ROBO1: variants seen among roughly 807,000 people sequenced by gnomAD.
The protein encoded by ROBO1 is roundabout homolog 1.
A neutral mutation model predicts 195.9 loss-of-function variants in ROBO1; 149 were observed. The observed-to-expected ratio is 0.76, with a 90% CI of 0.67 to 0.87. The LOEUF is 0.87. Ranked by LOEUF, ROBO1 falls within the 40% of genes least tolerant of loss-of-function variation. ROBO1 has a pLI of 0.00. For synonymous variants in ROBO1, 816 were observed against 733.2 expected (o/e 1.11, Z -1.82); for missense variants, 1,933 against 2,068.3 (o/e 0.93, Z 1.27).
At position 79,116,173 on chromosome 3, in the gene ROBO1, C is replaced by T. The variant is rs561667486; in HGVS notation, c.172+9283G>A. Among the ~76,000 whole-genome samples the T allele has an allele frequency of 1.7e-3, 262 of 152,228 alleles. 2 individuals are homozygous for T. The highest frequency in any genetic ancestry group is 5.8e-3 in the African/African-American group (240 of 41,542). ...AGGATCCCCTGCAGATACCAAAATC[C>T]ATAGGTGCTTAATTTCCATACATAA... is the stretch of plus-strand genomic sequence containing the variant. On this transcript the variant is annotated intron_variant, in intron 3 of 30. Transcript: ENST00000464233.
At chr3:78,779,924 C>T (rs1049968610) in intron 4 of ROBO1, among the ~76,000 whole-genome samples, 8 of 152,032 alleles carry the variant, frequency 5.3e-5, no homozygotes, top group Non-Finnish European at 1.0e-4. Flanking sequence ...ACTATGCAGC[C>T]GTAAAAAAGA....
chr3:79,697,199 T>C (rs1049645467), intron 1 of ROBO1, among the ~76,000 whole-genome samples: 2 of 151,516 alleles, frequency 1.3e-5, no homozygotes, highest in Non-Finnish European at 3.0e-5. Flanking sequence ...TTAAGAATGG[T>C]TCTAAATTAT....
chr3:79,128,677 T>A (rs77999291), intron 2 of ROBO1, among the ~76,000 whole-genome samples: 195 of 152,274 alleles, frequency 1.3e-3, no homozygotes, highest in Non-Finnish European at 1.7e-3. Context: ...CATTCAGGGT[T>A]GGAAATGGGT....
At chr3:79,757,290 G>T (rs369219328) in intron 1 of ROBO1, among the ~76,000 whole-genome samples, 4 of 152,046 alleles carry the variant, frequency 2.6e-5, no homozygotes, top group Non-Finnish European at 5.9e-5. Context: ...TACATAATCC[G>T]ATTTTGTTTG....
At chr3:79,554,162 AC>A (rs1942619408) in intron 2 of ROBO1, among the ~76,000 whole-genome samples, 1 of 152,000 alleles carries the variant, frequency 6.6e-6, no homozygotes, top group Non-Finnish European at 1.5e-5. Context: ...CTTAATATAT[AC>A]ATTTATTTTC....
intron 18 of ROBO1, among the ~76,000 whole-genome samples, chr3:78,655,854 C>A (rs113097798): frequency 2.6e-5 from 4 of 152,186 alleles, no homozygotes; most frequent in Admixed American, 2.0e-4. Context: ...ACTAATATTT[C>A]GCTAGTAATA....
At chr3:79,436,913 T>G (rs1936241964) in intron 2 of ROBO1, among the ~76,000 whole-genome samples, 2 of 152,094 alleles carry the variant, frequency 1.3e-5, no homozygotes, top group African/African-American at 4.8e-5. Flanking sequence ...TGATTATTTT[T>G]TCTCTCAAAT....
chr3:78,836,301 A>G (rs1358540170), intron 4 of ROBO1, among the ~76,000 whole-genome samples: 1 of 152,006 alleles, frequency 6.6e-6, no homozygotes, highest in Non-Finnish European at 1.5e-5. Flanking sequence ...TCACGAGGTC[A>G]GGAGATAGAG....
At chr3:78,798,239 C>G (rs1364741864) in intron 4 of ROBO1, among the ~76,000 whole-genome samples, 1 of 152,084 alleles carries the variant, frequency 6.6e-6, no homozygotes, top group Non-Finnish European at 1.5e-5. Context: ...AATAAAATGG[C>G]TTTTCTTGAG....
chr3:78,633,170 C>T (rs1223104328), intron 24 of ROBO1, among the ~76,000 whole-genome samples: 1 of 152,204 alleles, frequency 6.6e-6, no homozygotes. Context: ...GGCATTTCTA[C>T]CCTCTCCTGG....
intron 2 of ROBO1, among the ~76,000 whole-genome samples, chr3:79,504,905 G>A (rs2107517896): frequency 6.6e-6 from 1 of 152,106 alleles, no homozygotes; most frequent in South Asian, 2.1e-4. Flanking sequence ...ACTTAGTAGA[G>A]CATCTGAAGT....
At chr3:79,115,067 C>T (rs1327120693) in intron 3 of ROBO1, among the ~76,000 whole-genome samples, 1 of 152,134 alleles carries the variant, frequency 6.6e-6, no homozygotes, top group Non-Finnish European at 1.5e-5. Flanking sequence ...TATCTTGTGA[C>T]TTGGGTCTAG....
chr3:78,664,669 T>C (rs75628188), intron 14 of ROBO1, among the ~76,000 whole-genome samples: 4,220 of 152,190 alleles, frequency 0.028, 185 homozygotes, highest in African/African-American at 0.095. Flanking sequence ...CCAGCTCATT[T>C]CTAAGTATCT....
intron 1 of ROBO1, among the ~76,000 whole-genome samples, chr3:79,670,451 A>G (rs1450166471): frequency 6.6e-6 from 1 of 151,902 alleles, no homozygotes; most frequent in Non-Finnish European, 1.5e-5. Context: ...CAAGTATAAC[A>G]GTTAACTGGT....
At chr3:79,113,181 AAGAG>A (rs2079921996) in intron 3 of ROBO1, among the ~76,000 whole-genome samples, 1 of 152,154 alleles carries the variant, frequency 6.6e-6, no homozygotes, top group African/African-American at 2.4e-5. Context: ...GTTTTGAAGA[AAGAG>A]AAACACAGGC....
intron 4 of ROBO1, among the ~76,000 whole-genome samples, chr3:78,778,017 C>G (rs60860653): frequency 0.25 from 37,378 of 152,024 alleles, 4,818 homozygotes; most frequent in East Asian, 0.49. Context: ...CCATCAATAC[C>G]TATTTTATTG....
At chr3:78,986,184 T>C (rs1489803509) in intron 3 of ROBO1, among the ~76,000 whole-genome samples, 1 of 152,092 alleles carries the variant, frequency 6.6e-6, no homozygotes, top group African/African-American at 2.4e-5. Flanking sequence ...AAGGGAATGA[T>C]AGGCTATCTT....
intron 3 of ROBO1, among the ~76,000 whole-genome samples, chr3:79,038,991 T>A (rs373378031): frequency 3.3e-5 from 5 of 152,262 alleles, no homozygotes; most frequent in Admixed American, 1.3e-4. Context: ...AGCATTCCTC[T>A]GTTAGCAGAT....
At chr3:78,825,477 C>T (rs2031507886) in intron 4 of ROBO1, among the ~76,000 whole-genome samples, 1 of 152,144 alleles carries the variant, frequency 6.6e-6, no homozygotes, top group South Asian at 2.1e-4. Flanking sequence ...TATTCGAAGA[C>T]AGCCAAGTGT....
Sources: gnomAD v4.1 joint callset for allele counts (sites outside exome capture counted in the v4.1 genomes callset) on GRCh38, gnomAD v4.1.1 for gene constraint, MANE v1.5 for transcripts, NCBI Gene and HGNC (gene_info 2026-07-23, HGNC 2026-07-21) for gene names.